The following TVP23C variants were observed in gnomAD, a reference collection of about 807,000 sequenced individuals.
The protein encoded by TVP23C is Golgi apparatus membrane protein TVP23 homolog C.
TVP23C carries 19 observed loss-of-function variants against 28.7 expected under a neutral mutation model. The ratio of observed to expected loss-of-function variants is 0.66; its 90% CI spans 0.46 to 0.97. The LOEUF is 0.97. Among genes scored for constraint, TVP23C ranks in the 50% least tolerant of loss-of-function variants. The probability of loss-of-function intolerance (pLI) is 0.00; values close to 1 mark genes in which losing one functional copy is unlikely to be tolerated. For missense variants in TVP23C, 186 were observed against 241.3 expected (o/e 0.77, Z 1.52); for synonymous variants, 68 against 81.7 (o/e 0.83, Z 0.90).
rs1233203966 is a variant in TVP23C at position 15,547,151 on chromosome 17, G to A, written c.241-3C>T. 5.0e-6 allele frequency: 8 copies of A among 1,612,234 alleles called. No individual in the cohort carries two copies. The highest frequency in any genetic ancestry group is 6.8e-6 in the Non-Finnish European group (8 of 1,179,348). On this transcript the variant is annotated splice_region_variant and splice_polypyrimidine_tract_variant and intron_variant, in intron 3 of 5. Transcript: ENST00000518321. ...ACCATTAGTCTACCTGTGACATTCT[G>A]GTGAAGATTAATATAAACAGGCACA...
At chr17:15,529,584 T>C (rs780203440) in intron 5 of TVP23C, among the ~76,000 whole-genome samples, 1 of 152,168 alleles carries the variant, frequency 6.6e-6, no homozygotes, top group Non-Finnish European at 1.5e-5. Context: ...AATTGGTCCT[T>C]TTACCAATGT....
In TVP23C at chr17:15,537,798, C is replaced by T. The variant is rs1180582747; in HGVS notation, c.*2614G>A. ...GTTCTATGGATCAAAATGCAAAGGT[C>T]TCCATTATCTGTGTAAATGAACACT... On this transcript the variant is annotated 3_prime_UTR_variant, in exon 6 of 6. Transcript: ENST00000518321. 1.8e-6 allele frequency: 2 copies of T among 1,114,028 alleles called. No homozygotes were observed. Among genetic ancestry groups the T allele is most frequent in the Non-Finnish European group, 2.2e-6 (2 of 913,282 alleles). The allele number at this position is 1,114,028 out of a possible 1,614,324, so 69.0% of individuals were successfully genotyped here.
At chr17:15,513,102 G>A (rs1418948784) in intron 5 of TVP23C, among the ~76,000 whole-genome samples, 1 of 152,132 alleles carries the variant, frequency 6.6e-6, no homozygotes, top group Non-Finnish European at 1.5e-5. Context: ...TGTACTATGC[G>A]AGGAACTTGC....
intron 5 of TVP23C, among the ~76,000 whole-genome samples, chr17:15,508,946 T>C (rs1318681928): frequency 1.3e-5 from 2 of 152,186 alleles, no homozygotes; most frequent in African/African-American, 4.8e-5. Context: ...GGACAGAAAA[T>C]GTTCTGACTT....
At chr17:15,543,027 A>G (rs540207038) in intron 5 of TVP23C, among the ~76,000 whole-genome samples, 9 of 152,294 alleles carry the variant, frequency 5.9e-5, no homozygotes, top group Admixed American at 3.3e-4. Flanking sequence ...GATGGATGCT[A>G]AAGCTCTAAG....
intron 5 of TVP23C, among the ~76,000 whole-genome samples, chr17:15,505,733 G>A (rs895227383): frequency 2.6e-5 from 4 of 152,356 alleles, no homozygotes; most frequent in South Asian, 2.1e-4. Context: ...TGCCTAGGGC[G>A]CTTGCGGGCC....
intron 5 of TVP23C, among the ~76,000 whole-genome samples, chr17:15,525,717 C>T (rs1982695997): frequency 6.6e-6 from 1 of 152,152 alleles, no homozygotes; most frequent in Non-Finnish European, 1.5e-5. Flanking sequence ...CATGCGCCCA[C>T]GTTCATCTCT....
At chr17:15,517,069 G>C (rs544137450) in intron 5 of TVP23C, among the ~76,000 whole-genome samples, 1 of 152,222 alleles carries the variant, frequency 6.6e-6, no homozygotes, top group African/African-American at 2.4e-5. Context: ...TTATAAAAGA[G>C]AGTGTCTATT....
chr17:15,538,607 T>TA lies in TVP23C; in HGVS notation c.*1804dup. 1.0e-6 allele frequency: 1 copy of TA among 984,396 alleles called. No homozygotes were observed. The highest frequency in any genetic ancestry group is 1.2e-6 in the Non-Finnish European group (1 of 829,306). 61.0% of individuals were successfully genotyped at this position (984,396 alleles called of 1,614,324 possible). On this transcript the variant is annotated 3_prime_UTR_variant, in exon 6 of 6. Transcript: ENST00000518321. Reference sequence around the variant, plus strand: ...CTCTGTCTCAAAAAAAATAAATAAATAAAAAAGTAGACATGCGCTAATGAA... The same window carrying TA: ...CTCTGTCTCAAAAAAAATAAATAAATAAAAAAAGTAGACATGCGCTAATGAA...
At chr17:15,543,253 T>C (rs548140027) in intron 5 of TVP23C, among the ~76,000 whole-genome samples, 129 of 147,876 alleles carry the variant, frequency 8.7e-4, no homozygotes, top group Admixed American at 1.6e-3. Flanking sequence ...GCCACGTGCC[T>C]CAGACATCAG....
intron 5 of TVP23C, among the ~76,000 whole-genome samples, chr17:15,511,053 C>A (rs1285294184): frequency 4.5e-3 from 377 of 82,912 alleles, no homozygotes; most frequent in East Asian, 0.023. Flanking sequence ...GACTTCGTCT[C>A]AAAAAAAAAA....
chr17:15,558,866 ATTT>A (rs564958078), intron 1 of TVP23C, among the ~76,000 whole-genome samples: 8 of 133,208 alleles, frequency 6.0e-5, no homozygotes, highest in Admixed American at 7.7e-5. Context: ...CAGACTGGCC[ATTT>A]TTTTTTTTTT....
At chr17:15,524,240 C>A (rs1234659825) in intron 5 of TVP23C, among the ~76,000 whole-genome samples, 1 of 152,080 alleles carries the variant, frequency 6.6e-6, no homozygotes, top group Admixed American at 6.5e-5. Context: ...GTATTATATT[C>A]TCTATTGACA....
At chr17:15,546,233 T>A (rs1052980330) in intron 4 of TVP23C, among the ~76,000 whole-genome samples, 4 of 152,136 alleles carry the variant, frequency 2.6e-5, no homozygotes, top group Admixed American at 1.3e-4. Flanking sequence ...CTCTAAATGA[T>A]ACCTTTCTGA....
chr17:15,540,571 G>C lies in TVP23C; in HGVS notation c.463-10C>G, dbSNP rs995480958. 1.7e-5 allele frequency: 28 copies of C among 1,609,742 alleles called. No homozygotes were observed. In the African/African-American group the frequency reaches 3.2e-4, roughly 18 times the overall value. ...CCATAATAACCACCGCCTGGGACAA[G>C]GGAAAAAAATAATCAACGGTTACTG... On this transcript the variant is annotated splice_polypyrimidine_tract_variant and intron_variant, in intron 5 of 5. Transcript: ENST00000518321.
rs1011322960 is a variant in TVP23C, at chr17:15,531,429, G to A, written c.462+14356C>T. ...TCATTTTCTGGAACTCCTTTAATGC[G>A]TATGTTGGTAACTTGATAAAATGCC... On this transcript the variant is annotated intron_variant, in intron 5 of 5. Coordinates refer to the TVP23C transcript ENST00000225576. Among the ~76,000 whole-genome samples the A allele has an allele frequency of 2.6e-5, 4 of 151,896 alleles. 1 individual carries two copies. The highest frequency in any genetic ancestry group is 4.1e-4 in the South Asian group (2 of 4,830).
In TVP23C at chr17:15,545,854, A is replaced by G; in HGVS notation, c.393T>C (p.Leu131=). ...EAESRIFWLG[L]IACSVLWVIF... is the part of the protein sequence containing the mutation. The stretch of plus-strand genomic sequence containing the variant: ...TCACCCACAGTACTGAACAGGCAAT[A>G]AGTCCCAACCAAAAGATTCTTGATT... Residue 131 remains leucine (L), a synonymous_variant, in exon 5 of 6, where the codon CTT becomes CTC. Coordinates refer to ENST00000518321, the MANE Select transcript of TVP23C (RefSeq NM_001135036.2). 3.1e-6 allele frequency: 5 copies of G among 1,614,164 alleles called. No individual in the cohort carries two copies. The highest frequency in any genetic ancestry group is 4.2e-6 in the Non-Finnish European group (5 of 1,179,998).
chr17:15,561,399 G>A (rs904392613), intron 1 of TVP23C, among the ~76,000 whole-genome samples: 1 of 152,126 alleles, frequency 6.6e-6, no homozygotes, highest in Non-Finnish European at 1.5e-5. Flanking sequence ...AGGAGCTCAA[G>A]ACCAGCCTGG....
At chr17:15,525,727 T>C (rs1178428364) in intron 5 of TVP23C, among the ~76,000 whole-genome samples, 1 of 152,224 alleles carries the variant, frequency 6.6e-6, no homozygotes, top group African/African-American at 2.4e-5. Flanking sequence ...CGTTCATCTC[T>C]GGCACGAGAC....
Sources: gnomAD v4.1 joint callset for allele counts (sites outside exome capture counted in the v4.1 genomes callset) on GRCh38, gnomAD v4.1.1 for gene constraint, MANE v1.5 for transcripts, NCBI Gene and HGNC (gene_info 2026-07-23, HGNC 2026-07-21) for gene names.